MOB3B: variants seen among roughly 807,000 people sequenced by gnomAD.
The protein encoded by MOB3B is MOB kinase activator 3B, also known as MOB kinase activator-like 2B.
Under a neutral mutation model 18.7 loss-of-function variants are expected in MOB3B, and 7 were observed. The ratio of observed to expected loss-of-function variants is 0.37; its 90% CI spans 0.21 to 0.70. The LOEUF is 0.70. Ranked by LOEUF, MOB3B falls within the 30% of genes least tolerant of loss-of-function variation. The pLI is 0.52. For synonymous variants in MOB3B, 111 were observed against 99.9 expected, an observed-to-expected ratio of 1.11 and a Z score of -0.66; for missense variants, 253 against 281.3, an observed-to-expected ratio of 0.90 and a Z score of 0.72.
chr9:27,494,423 C>T (rs550832936), intron 1 of MOB3B, among the ~76,000 whole-genome samples: 13 of 152,244 alleles, frequency 8.5e-5, no homozygotes, highest in East Asian at 1.9e-4. Context: ...TGGACCCTAC[C>T]GACATGTGAT....
intron 2 of MOB3B, among the ~76,000 whole-genome samples, chr9:27,393,478 A>G (rs1040519832): frequency 1.1e-4 from 17 of 152,142 alleles, no homozygotes; most frequent in African/African-American, 3.9e-4. Context: ...GACACCATCG[A>G]TACTGTATTC....
chr9:27,332,584 G>T (rs751033989), intron 3 of MOB3B, among the ~76,000 whole-genome samples: 23 of 152,180 alleles, frequency 1.5e-4, no homozygotes, highest in Non-Finnish European at 2.8e-4. Flanking sequence ...ATGGACAGAG[G>T]AAGAATCCCA....
chr9:27,343,250 CTTTGT>C (rs1236696532), intron 3 of MOB3B, among the ~76,000 whole-genome samples: 1 of 151,410 alleles, frequency 6.6e-6, no homozygotes, highest in Non-Finnish European at 1.5e-5. Context: ...GCAAGATGTG[CTTTGT>C]TAAACAGATG....
rs56064443 is a variant in MOB3B at position 27,357,121 on chromosome 9, A to AATATATATATATATATAT, written c.621+1895_621+1912dup. ...TGTTCCAGGACTACTGAGTAATGCA[A>AATATATATATATATATAT]ATATATATATATATATATATATATG... On this transcript the variant is annotated intron_variant, in intron 3 of 3. Coordinates refer to ENST00000262244, the MANE Select transcript of MOB3B (RefSeq NM_024761.5). Among the ~76,000 whole-genome samples, 274 of 62,862 alleles carry AATATATATATATATATAT rather than the reference A, an allele frequency of 4.4e-3. 21 individuals carry two copies. Among genetic ancestry groups the AATATATATATATATATAT allele is most frequent in the East Asian group, 0.011 (14 of 1,304 alleles). 41.2% of individuals were successfully genotyped at this position (62,862 alleles called of 152,430 possible). A position where few individuals can be genotyped will look rare whatever the true frequency, so the allele number is the denominator to read the frequency against.
chr9:27,522,576 A>G (rs146187558), intron 1 of MOB3B, among the ~76,000 whole-genome samples: 31 of 151,736 alleles, frequency 2.0e-4, no homozygotes, highest in Non-Finnish European at 3.7e-4. Flanking sequence ...GTGCTTACAT[A>G]TATGTTTTCT....
At chr9:27,495,547 C>A (rs12550913) in intron 1 of MOB3B, among the ~76,000 whole-genome samples, 1 of 152,076 alleles carries the variant, frequency 6.6e-6, no homozygotes, top group Non-Finnish European at 1.5e-5. Context: ...GGAACCCATC[C>A]TGATGGCCCC....
intron 1 of MOB3B, among the ~76,000 whole-genome samples, chr9:27,519,371 T>G (rs1263722023): frequency 6.6e-6 from 1 of 152,194 alleles, no homozygotes; most frequent in Non-Finnish European, 1.5e-5. Flanking sequence ...CATCTCCAAA[T>G]GATATCCTAT....
intron 2 of MOB3B, among the ~76,000 whole-genome samples, chr9:27,439,301 A>G (rs1822560812): frequency 6.6e-6 from 1 of 152,168 alleles, no homozygotes; most frequent in Non-Finnish European, 1.5e-5. Flanking sequence ...TTAATTGTGA[A>G]ACTACAAGGC....
rs529786684 is a variant in MOB3B, at chr9:27,447,114, A to G, written c.418+8019T>C. 2.0e-5 allele frequency among the ~76,000 whole-genome samples: 3 copies of G among 152,276 alleles called. No individual in the cohort carries two copies. In the South Asian group the frequency reaches 6.2e-4, roughly 32 times the overall value. ...TCGTTGAAGGAAAAGCTTGTGAATC[A>G]CTTTCCACACATGGGGGTGTAAGGC... On this transcript the variant is annotated intron_variant, in intron 2 of 3. Coordinates refer to ENST00000262244, the MANE Select transcript of MOB3B (RefSeq NM_024761.5).
chr9:27,528,789 TC>T (rs1820481711), intron 1 of MOB3B, among the ~76,000 whole-genome samples: 3 of 151,384 alleles, frequency 2.0e-5, no homozygotes, highest in African/African-American at 7.3e-5. Flanking sequence ...AGGGGGGGGA[TC>T]CCGAGAGATT....
chr9:27,511,286 T>G (rs2484314), intron 1 of MOB3B, among the ~76,000 whole-genome samples: 44,386 of 151,980 alleles, frequency 0.29, 6,617 homozygotes, highest in Middle Eastern at 0.36. Context: ...AATAACAGTT[T>G]AATAGAAAAT....
chr9:27,516,779 T>C (rs894352961), intron 1 of MOB3B, among the ~76,000 whole-genome samples: 13 of 152,194 alleles, frequency 8.5e-5, no homozygotes, highest in Non-Finnish European at 1.5e-4. Flanking sequence ...ACCCACTGAT[T>C]CTTATAGTCT....
chr9:27,404,347 C>CTTTTT (rs756275032), intron 2 of MOB3B, among the ~76,000 whole-genome samples: 798 of 75,256 alleles, frequency 0.011, 17 homozygotes, highest in Non-Finnish European at 0.013. Flanking sequence ...TTCTTTCTTT[C>CTTTTT]TTTTTTTTTT....
intron 2 of MOB3B, among the ~76,000 whole-genome samples, chr9:27,399,492 C>G (rs1821845405): frequency 6.6e-6 from 1 of 152,164 alleles, no homozygotes; most frequent in African/African-American, 2.4e-5. Context: ...ACAGAAAGCA[C>G]TGGGGAGAAG....
At chr9:27,528,666 G>A (rs909974425) in intron 1 of MOB3B, among the ~76,000 whole-genome samples, 1 of 152,324 alleles carries the variant, frequency 6.6e-6, no homozygotes, top group East Asian at 1.9e-4. Context: ...TGTTGGAAAG[G>A]CAAACAATAG....
intron 2 of MOB3B, among the ~76,000 whole-genome samples, chr9:27,444,845 T>C (rs1333209417): frequency 3.9e-5 from 6 of 152,234 alleles, no homozygotes; most frequent in Non-Finnish European, 8.8e-5. Context: ...CCTAGCATAT[T>C]GCTTGGCCCA....
At chr9:27,497,680 T>C (rs973796872) in intron 1 of MOB3B, among the ~76,000 whole-genome samples, 1 of 152,162 alleles carries the variant, frequency 6.6e-6, no homozygotes, top group African/African-American at 2.4e-5. Flanking sequence ...GTTTTACTTA[T>C]TCCTTTCTCT....
At chr9:27,341,410 A>G (rs552307179) in intron 3 of MOB3B, among the ~76,000 whole-genome samples, 1 of 152,118 alleles carries the variant, frequency 6.6e-6, no homozygotes, top group East Asian at 1.9e-4. Context: ...GCTTAATAAG[A>G]CCTCTATTGT....
At chr9:27,391,498 T>A (rs1306758541) in intron 2 of MOB3B, among the ~76,000 whole-genome samples, 1 of 152,238 alleles carries the variant, frequency 6.6e-6, no homozygotes, top group Non-Finnish European at 1.5e-5. Flanking sequence ...AGTGTGCTAT[T>A]CATGTGCAAA....
Sources: allele counts gnomAD v4.1 joint callset (sites outside exome capture counted in the v4.1 genomes callset), GRCh38; gene constraint gnomAD v4.1.1; transcripts MANE v1.5; gene names NCBI Gene and HGNC (gene_info 2026-07-23, HGNC 2026-07-21).